PRTG: variants seen among roughly 807,000 people sequenced by gnomAD.
PRTG encodes protogenin.
In PRTG, 67 loss-of-function variants were observed where a neutral mutation model predicts 122.5. The observed-to-expected ratio is 0.55, with a 90% confidence interval of 0.45 to 0.67. The LOEUF is 0.67. Among genes scored for constraint, PRTG ranks in the 30% least tolerant of loss-of-function variants. The probability of loss-of-function intolerance (pLI) is 0.00; values close to 1 mark genes in which losing one functional copy is unlikely to be tolerated. For missense variants in PRTG, 1,435 were observed against 1,415.4 expected, an observed-to-expected ratio of 1.01 and a Z score of -0.22; for synonymous variants, 554 against 501.1, an observed-to-expected ratio of 1.11 and a Z score of -1.41.
At chr15:55,640,737 C>T (rs984013213) in intron 12 of PRTG, among the ~76,000 whole-genome samples, 3 of 151,916 alleles carry the variant, frequency 2.0e-5, no homozygotes, top group Admixed American at 6.6e-5. Flanking sequence ...TAGCCAGGTG[C>T]GGTGGCTCAC....
chr15:55,731,549 T>G (rs1239606433), intron 2 of PRTG, among the ~76,000 whole-genome samples: 1 of 151,306 alleles, frequency 6.6e-6, no homozygotes, highest in African/African-American at 2.4e-5. Context: ...GTTTGTATTT[T>G]TAGTAGAGAT....
chr15:55,660,238 A>C (rs1267322513), intron 11 of PRTG, among the ~76,000 whole-genome samples: 1 of 152,190 alleles, frequency 6.6e-6, no homozygotes, highest in African/African-American at 2.4e-5. Flanking sequence ...ATGTGCGTTA[A>C]GTTTTTTTAA....
chr15:55,660,419 A>G (rs1410300354), intron 11 of PRTG, among the ~76,000 whole-genome samples: 1 of 152,226 alleles, frequency 6.6e-6, no homozygotes, highest in East Asian at 1.9e-4. Flanking sequence ...ACACATCTAA[A>G]GATTCTTTAC....
intron 2 of PRTG, among the ~76,000 whole-genome samples, chr15:55,739,784 G>T (rs1251182097): frequency 6.6e-6 from 1 of 152,196 alleles, no homozygotes; most frequent in African/African-American, 2.4e-5. Flanking sequence ...AAAGTGAGCA[G>T]ATATGGGTTT....
chr15:55,670,394 C>A (rs141564197), intron 11 of PRTG, among the ~76,000 whole-genome samples: 63 of 152,224 alleles, frequency 4.1e-4, no homozygotes, highest in South Asian at 1.9e-3. Flanking sequence ...TATGATTCTT[C>A]ATCAACAATT....
chr15:55,660,163 A>G (rs1218134770), intron 11 of PRTG, among the ~76,000 whole-genome samples: 1 of 152,198 alleles, frequency 6.6e-6, no homozygotes, highest in Non-Finnish European at 1.5e-5. Context: ...TTCCTCCAGG[A>G]AGCGTGGTCC....
chr15:55,639,782 G>C lies in PRTG; in HGVS notation c.2184C>G (p.Leu728=). ...AAGATGAGGTGTTAGCCTTCGCATA[G>C]AGATGGTGGGGTGGTGGTGGAGGAG... is the stretch of plus-strand genomic sequence containing the variant. ...MVPPPPPPHH[L]YAKANTSSSI... is the part of the protein sequence containing the mutation. Residue 728 remains leucine, a synonymous_variant, in exon 13 of 20, where the codon CTC becomes CTG. Coordinates refer to ENST00000389286, the MANE Select transcript of PRTG (RefSeq NM_173814.6). The C allele has an allele frequency of 6.2e-7, 1 of 1,614,216 alleles. No homozygotes were observed. The highest frequency in any genetic ancestry group is 8.5e-7 in the Non-Finnish European group (1 of 1,180,030).
At chr15:55,626,931 T>A (rs2059198070) in intron 17 of PRTG, 77 bp downstream of exon 17, 2 of 1,404,970 alleles carry the variant, frequency 1.4e-6, no homozygotes, top group Admixed American at 4.4e-5. Context: ...TAAAAGGCAC[T>A]TGACTTTCAT....
chr15:55,739,927 T>C (rs1429561203), intron 2 of PRTG, among the ~76,000 whole-genome samples: 1 of 152,208 alleles, frequency 6.6e-6, no homozygotes, highest in Non-Finnish European at 1.5e-5. Flanking sequence ...ACATGGGTGA[T>C]CTAAAAGCAG....
At chr15:55,620,857 A>C (rs2141706514) in intron 18 of PRTG, 90 bp from the exon 19 acceptor site, 102 of 1,053,826 alleles carry the variant, frequency 9.7e-5, no homozygotes, top group Non-Finnish European at 2.8e-6. Flanking sequence ...CTTTTACTAT[A>C]TGCTTCACAT....
intron 11 of PRTG, among the ~76,000 whole-genome samples, chr15:55,668,071 G>C (rs2059448790): frequency 6.6e-6 from 1 of 152,204 alleles, no homozygotes; most frequent in Non-Finnish European, 1.5e-5. Flanking sequence ...CTGGGTGACA[G>C]TGAGATTACG....
rs1006415980 is a variant in PRTG, at chr15:55,614,657, T to C, written c.*5355A>G. The C allele has an allele frequency of 1.3e-5, 2 of 152,170 alleles. No individual in the cohort carries two copies. Among genetic ancestry groups the C allele is most frequent in the African/African-American group, 4.8e-5 (2 of 41,456 alleles). 9.4% of individuals were successfully genotyped at this position (152,170 alleles called of 1,614,324 possible). On this transcript the variant is annotated 3_prime_UTR_variant, in exon 20 of 20. Transcript: ENST00000389286. ...ACTTGCTGATAAACATGAGATGTTA[T>C]TTTATGAAGCACATATTCAGAAACT... is the stretch of plus-strand genomic sequence containing the variant.
intron 11 of PRTG, among the ~76,000 whole-genome samples, chr15:55,669,054 T>C (rs1482811543): frequency 1.3e-5 from 2 of 152,150 alleles, no homozygotes; most frequent in Admixed American, 6.5e-5. Context: ...TGAATTGAAA[T>C]ACATAAGTTC....
intron 2 of PRTG, among the ~76,000 whole-genome samples, chr15:55,730,312 G>C (rs1327581473): frequency 6.6e-6 from 1 of 152,058 alleles, no homozygotes; most frequent in Non-Finnish European, 1.5e-5. Flanking sequence ...ACGTTTGCCA[G>C]GCTGGTCTTG....
At chr15:55,726,899 G>A (rs2141877140) in intron 2 of PRTG, among the ~76,000 whole-genome samples, 1 of 149,302 alleles carries the variant, frequency 6.7e-6, no homozygotes, top group African/African-American at 2.5e-5. Context: ...AGTGAGCCGA[G>A]ATCACGCCAC....
At chr15:55,644,025 T>G (rs2059307118) in intron 11 of PRTG, among the ~76,000 whole-genome samples, 1 of 151,916 alleles carries the variant, frequency 6.6e-6, no homozygotes, top group Non-Finnish European at 1.5e-5. Context: ...CCACCACACC[T>G]GGCTAATTTC....
Position 55,682,549 on chromosome 15 carries a change from TTTATTTATTTA to T in PRTG, c.543-63_543-53del, listed in dbSNP as rs775620268. ...TTTTTGTAGTAGATTTCATATTTTA[TTTATTTATTTA>T]TTTATTTATTTATTTATTTATGAGA... On this transcript the variant is annotated intron_variant, in intron 3 of 19. Transcript: ENST00000389286. 447 of 409,816 alleles carry T rather than the reference TTTATTTATTTA, an allele frequency of 1.1e-3. 10 individuals are homozygous for T. Among genetic ancestry groups the T allele is most frequent in the African/African-American group, 6.4e-3 (253 of 39,468 alleles). The allele number at this position is 409,816 out of a possible 1,614,324, so 25.4% of individuals were successfully genotyped here. A position where few individuals can be genotyped will look rare whatever the true frequency, so the allele number is the denominator to read the frequency against.
intron 11 of PRTG, among the ~76,000 whole-genome samples, chr15:55,665,550 C>CTT (rs781741169): frequency 5.4e-5 from 6 of 110,678 alleles, no homozygotes; most frequent in African/African-American, 1.5e-4. Context: ...AAAATTTTTT[C>CTT]TTTTTTTTTT....
Position 55,680,093 on chromosome 15 carries a change from G to A in PRTG, c.934C>T (p.Arg312Cys), listed in dbSNP as rs2141811710. 2.5e-6 allele frequency: 4 copies of A among 1,613,680 alleles called. No individual in the cohort carries two copies. Among genetic ancestry groups the A allele is most frequent in the Non-Finnish European group, 3.4e-6 (4 of 1,179,692 alleles). Reference sequence around the variant, plus strand: ...GTTGCCATAGCAACTGTAAAGTTGCGTGTGCCAGGGGTAGTGGCCCGACAA... The same window carrying A: ...GTTGCCATAGCAACTGTAAAGTTGCATGTGCCAGGGGTAGTGGCCCGACAA... Reference protein sequence around the residue: ...YVCRATTPGTRNFTVAMATLT... With the variant: ...YVCRATTPGTCNFTVAMATLT... The change falls in exon 6 of 20, where the codon CGC becomes TGC. Residue 312 changes from arginine to cysteine, a missense_variant. Transcript: ENST00000389286.
Sources: gnomAD v4.1 joint callset for allele counts (sites outside exome capture counted in the v4.1 genomes callset) on GRCh38, gnomAD v4.1.1 for gene constraint, MANE v1.5 for transcripts, NCBI Gene and HGNC (gene_info 2026-07-23, HGNC 2026-07-21) for gene names.